The following SLC24A2 variants were observed in gnomAD, a reference collection of about 807,000 sequenced individuals.
SLC24A2 encodes the protein solute carrier family 24 member 2.
SLC24A2 carries 36 observed loss-of-function variants against 62.0 expected under a neutral mutation model. The observed-to-expected ratio is 0.58, with a 90% CI of 0.44 to 0.77. The LOEUF is 0.77. Among genes scored for constraint, SLC24A2 ranks in the 30% least tolerant of loss-of-function variants. The pLI is 0.00. For synonymous variants in SLC24A2, 358 were observed against 294.0 expected (o/e 1.22, Z -2.23); for missense variants, 846 against 817.9 (o/e 1.03, Z -0.42).
At chr9:20,026,522 A>G in the SLC24A2 span, among the ~76,000 whole-genome samples, 1 of 152,204 alleles carries the variant, frequency 6.6e-6, no homozygotes, top group Non-Finnish European at 1.5e-5. Context: ...TGCGTGCCCC[A>G]GTTAATGGCA....
intron 2 of SLC24A2, among the ~76,000 whole-genome samples, chr9:19,684,328 T>C (rs1356922211): frequency 6.6e-6 from 1 of 152,058 alleles, no homozygotes; most frequent in Non-Finnish European, 1.5e-5. Flanking sequence ...TTCAAGGAAG[T>C]TCTTCTTCTA....
At chr9:19,526,839 T>A (rs1338333645) in intron 9 of SLC24A2, among the ~76,000 whole-genome samples, 2 of 135,366 alleles carry the variant, frequency 1.5e-5, no homozygotes, top group East Asian at 5.4e-4. Context: ...GCAAAAGTTT[T>A]AATTTTGATG....
At chr9:20,173,778 A>T in the SLC24A2 span, among the ~76,000 whole-genome samples, 6 of 152,176 alleles carry the variant, frequency 3.9e-5, no homozygotes, top group South Asian at 1.2e-3. Flanking sequence ...TACTGTCAAA[A>T]GCAATCTATA....
At chr9:19,549,963 A>C (rs1252043152) in intron 8 of SLC24A2, among the ~76,000 whole-genome samples, 174 bp downstream of exon 8, 1 of 152,118 alleles carries the variant, frequency 6.6e-6, no homozygotes, top group Non-Finnish European at 1.5e-5. Flanking sequence ...CTTTTTCCTT[A>C]AACTTAAATA....
At chr9:19,932,146 T>C in the SLC24A2 span, among the ~76,000 whole-genome samples, 2 of 152,138 alleles carry the variant, frequency 1.3e-5, no homozygotes, top group Non-Finnish European at 2.9e-5. Flanking sequence ...TAAAAAATAG[T>C]ACCGAACCAT....
the SLC24A2 span, among the ~76,000 whole-genome samples, chr9:19,799,232 CTTTT>C: frequency 2.0e-5 from 3 of 151,936 alleles, no homozygotes; most frequent in Non-Finnish European, 4.4e-5. Flanking sequence ...ATTCTCTTAG[CTTTT>C]TTTATTTTAT....
At chr9:19,947,905 A>G in the SLC24A2 span, among the ~76,000 whole-genome samples, 6 of 152,120 alleles carry the variant, frequency 3.9e-5, no homozygotes, top group Non-Finnish European at 5.9e-5. Context: ...AGAGCAACCC[A>G]TTGTAGAAAG....
the SLC24A2 span, among the ~76,000 whole-genome samples, chr9:19,985,138 T>C: frequency 2.6e-5 from 4 of 152,148 alleles, no homozygotes; most frequent in East Asian, 1.9e-4. Flanking sequence ...CTAAACCTGA[T>C]GGGAAGTGAA....
At chr9:20,056,295 C>T in the SLC24A2 span, among the ~76,000 whole-genome samples, 1 of 152,082 alleles carries the variant, frequency 6.6e-6, no homozygotes, top group Non-Finnish European at 1.5e-5. Context: ...ATAAGAAAAT[C>T]TATAAATGAC....
At chr9:20,113,029 C>T in the SLC24A2 span, among the ~76,000 whole-genome samples, 10 of 152,120 alleles carry the variant, frequency 6.6e-5, no homozygotes, top group Admixed American at 1.3e-4. Flanking sequence ...AGCTGTTTGG[C>T]TAATGTGACA....
the SLC24A2 span, among the ~76,000 whole-genome samples, chr9:20,004,527 C>T: frequency 2.9e-4 from 44 of 152,278 alleles, no homozygotes; most frequent in East Asian, 2.7e-3. Flanking sequence ...TATGAGACTA[C>T]CTGCCTAAAG....
the SLC24A2 span, among the ~76,000 whole-genome samples, chr9:19,992,031 C>G: frequency 6.6e-6 from 1 of 152,192 alleles, no homozygotes; most frequent in African/African-American, 2.4e-5. Context: ...CTTCAACCAT[C>G]TATGTTGGGG....
At chr9:19,544,778 T>C (rs1309137074) in intron 8 of SLC24A2, among the ~76,000 whole-genome samples, 1 of 152,208 alleles carries the variant, frequency 6.6e-6, no homozygotes, top group Non-Finnish European at 1.5e-5. Flanking sequence ...GCTTGTAAGG[T>C]TCCTGCAGAG....
intron 2 of SLC24A2, among the ~76,000 whole-genome samples, chr9:19,683,189 A>C (rs1819773180): frequency 1.3e-5 from 2 of 152,114 alleles, no homozygotes; most frequent in South Asian, 4.1e-4. Context: ...AGACGCTGTA[A>C]GTGCGGCGAG....
Position 19,521,146 on chromosome 9 carries a change from T to A in SLC24A2, c.1570-86A>T, listed in dbSNP as rs1190621222. 5 of 1,203,194 alleles carry A rather than the reference T, an allele frequency of 4.2e-6. No individual in the cohort carries two copies. In the African/African-American group the frequency reaches 6.0e-5, roughly 14 times the overall value. 74.5% of individuals were successfully genotyped at this position (1,203,194 alleles called of 1,614,324 possible). On this transcript the variant is annotated intron_variant, in intron 9 of 10. Coordinates refer to ENST00000341998, the MANE Select transcript of SLC24A2 (RefSeq NM_020344.4). ...CAAAAATTTCAATGCGACCTCCTTT[T>A]AATGCATTTCTATACTGTGCTATGC...
At chr9:20,271,962 C>T in the SLC24A2 span, among the ~76,000 whole-genome samples, 15 of 142,266 alleles carry the variant, frequency 1.1e-4, no homozygotes, top group African/African-American at 3.4e-4. Context: ...AGATGCTGCC[C>T]ATCTGGAGGG....
chr9:20,095,776 T>C, the SLC24A2 span, among the ~76,000 whole-genome samples: 1 of 152,014 alleles, frequency 6.6e-6, no homozygotes, highest in Non-Finnish European at 1.5e-5. Flanking sequence ...AAAAAGAGTT[T>C]TAATGGACTC....
chr9:19,737,778 T>C (rs1318908390), intron 2 of SLC24A2, among the ~76,000 whole-genome samples: 1 of 151,966 alleles, frequency 6.6e-6, no homozygotes, highest in Non-Finnish European at 1.5e-5. Context: ...ATTAAGAAAA[T>C]ATGACATTTA....
the SLC24A2 span, among the ~76,000 whole-genome samples, chr9:19,912,436 T>A: frequency 6.6e-6 from 1 of 152,138 alleles, no homozygotes; most frequent in Non-Finnish European, 1.5e-5. Flanking sequence ...AATCATCGGT[T>A]TCAGTAATTT....
Sources: gnomAD v4.1 joint callset for allele counts (sites outside exome capture counted in the v4.1 genomes callset) on GRCh38, gnomAD v4.1.1 for gene constraint, MANE v1.5 for transcripts, NCBI Gene and HGNC (gene_info 2026-07-23, HGNC 2026-07-21) for gene names.